The following LYPLAL1 variants were observed in gnomAD, a reference collection of about 807,000 sequenced individuals.
LYPLAL1 encodes lysophospholipase like 1.
In LYPLAL1, 23 loss-of-function variants were observed where a neutral mutation model predicts 19.7. That is an observed-to-expected ratio of 1.17 (90% confidence interval 0.84 to 1.65). LYPLAL1 has a LOEUF of 1.65. LYPLAL1 is among the 40% of genes most tolerant of loss of function. LYPLAL1 has a pLI of 0.00. For missense variants in LYPLAL1, 355 were observed against 279.4 expected, an observed-to-expected ratio of 1.27 and a Z score of -1.93; for synonymous variants, 119 against 96.3, an observed-to-expected ratio of 1.24 and a Z score of -1.38.
chr1:219,370,497 G>A, the LYPLAL1 span, among the ~76,000 whole-genome samples: 1 of 152,128 alleles, frequency 6.6e-6, no homozygotes, highest in African/African-American at 2.4e-5. Context: ...GAGATATTGA[G>A]TCTCCTCCTT....
At chr1:219,247,108 A>C in the LYPLAL1 span, among the ~76,000 whole-genome samples, 1 of 152,198 alleles carries the variant, frequency 6.6e-6, no homozygotes, top group African/African-American at 2.4e-5. Context: ...CTAATATCAC[A>C]TCTGGTGCAG....
intron 2 of LYPLAL1, among the ~76,000 whole-genome samples, chr1:219,185,943 A>G (rs1656686542): frequency 6.6e-6 from 1 of 151,944 alleles, no homozygotes; most frequent in African/African-American, 2.4e-5. Context: ...CAGAGAAAAC[A>G]CAGACTTCTG....
chr1:219,300,127 GC>G, the LYPLAL1 span, among the ~76,000 whole-genome samples: 1 of 152,118 alleles, frequency 6.6e-6, no homozygotes, highest in Non-Finnish European at 1.5e-5. Context: ...GGGTCTACAG[GC>G]AAGTGCCACT....
At chr1:219,283,219 C>T in the LYPLAL1 span, among the ~76,000 whole-genome samples, 1 of 151,968 alleles carries the variant, frequency 6.6e-6, no homozygotes, top group Non-Finnish European at 1.5e-5. Context: ...TTTTCAAGCA[C>T]GTGACAACAG....
At chr1:219,244,777 C>T in the LYPLAL1 span, among the ~76,000 whole-genome samples, 4 of 152,016 alleles carry the variant, frequency 2.6e-5, no homozygotes, top group South Asian at 2.1e-4. Context: ...GAGACCCTAT[C>T]GCTACTAAAA....
chr1:219,231,860 C>T, the LYPLAL1 span, among the ~76,000 whole-genome samples: 1 of 152,156 alleles, frequency 6.6e-6, no homozygotes. Flanking sequence ...TGTCAAATAA[C>T]TACCAATATG....
the LYPLAL1 span, among the ~76,000 whole-genome samples, chr1:219,365,628 A>G: frequency 2.6e-4 from 40 of 152,266 alleles, no homozygotes; most frequent in African/African-American, 7.7e-4. Flanking sequence ...GTGCCAGACC[A>G]GACCCCCTCT....
the LYPLAL1 span, among the ~76,000 whole-genome samples, chr1:219,328,571 A>C: frequency 6.6e-6 from 1 of 152,156 alleles, no homozygotes; most frequent in African/African-American, 2.4e-5. Context: ...GATATCTCAC[A>C]CATTTTCTTT....
chr1:219,425,803 T>C, the LYPLAL1 span, among the ~76,000 whole-genome samples: 1 of 152,188 alleles, frequency 6.6e-6, no homozygotes, highest in South Asian at 2.1e-4. Context: ...CCATATTCTA[T>C]CTAAGTATGT....
chr1:219,285,791 G>A, the LYPLAL1 span, among the ~76,000 whole-genome samples: 6 of 152,320 alleles, frequency 3.9e-5, no homozygotes, highest in African/African-American at 1.4e-4. Context: ...TTTGAAGCTA[G>A]ATAGAGGTGG....
chr1:219,223,083 A>G, the LYPLAL1 span: 1 of 151,948 alleles, frequency 6.6e-6, no homozygotes, highest in Admixed American at 6.6e-5. Flanking sequence ...CATAGCAGTA[A>G]CTGTTGTCTG....
At chr1:219,352,221 T>C in the LYPLAL1 span, among the ~76,000 whole-genome samples, 1 of 152,150 alleles carries the variant, frequency 6.6e-6, no homozygotes, top group East Asian at 1.9e-4. Flanking sequence ...TCTTCACCTA[T>C]AAATTGGGGA....
At chr1:219,308,210 T>C in the LYPLAL1 span, among the ~76,000 whole-genome samples, 4 of 152,136 alleles carry the variant, frequency 2.6e-5, no homozygotes, top group Non-Finnish European at 5.9e-5. Context: ...ATTTAGGGTA[T>C]CTAGTGGAAG....
At chr1:219,195,819 G>C (rs560067152) in intron 3 of LYPLAL1, among the ~76,000 whole-genome samples, 1 of 152,132 alleles carries the variant, frequency 6.6e-6, no homozygotes, top group African/African-American at 2.4e-5. Context: ...GTATTCATTA[G>C]CTGTTTATCC....
At chr1:219,428,239 G>A in the LYPLAL1 span, among the ~76,000 whole-genome samples, 1 of 152,174 alleles carries the variant, frequency 6.6e-6, no homozygotes, top group South Asian at 2.1e-4. Flanking sequence ...TCATCAAAAT[G>A]CCATTTGCAT....
chr1:219,257,358 TG>T, the LYPLAL1 span, among the ~76,000 whole-genome samples: 4,784 of 43,298 alleles, frequency 0.11, 183 homozygotes, highest in African/African-American at 0.14. Context: ...TACCAGTTTT[TG>T]TTTTTTTTTT....
intron 1 of LYPLAL1, among the ~76,000 whole-genome samples, chr1:219,176,863 C>T (rs1023506656): frequency 6.6e-6 from 1 of 152,108 alleles, no homozygotes; most frequent in African/African-American, 2.4e-5. Flanking sequence ...TATATCACAG[C>T]CTCCATGTGT....
At chr1:219,421,152 T>A in the LYPLAL1 span, among the ~76,000 whole-genome samples, 6,697 of 152,266 alleles carry the variant, frequency 0.044, 482 homozygotes, top group African/African-American at 0.15. Context: ...TTTGGTGAAC[T>A]GAGTGTAACC....
At chr1:219,351,178 C>T in the LYPLAL1 span, among the ~76,000 whole-genome samples, 1 of 151,776 alleles carries the variant, frequency 6.6e-6, no homozygotes, top group Admixed American at 6.6e-5. Context: ...TCAGACAGAA[C>T]ATATTGGACA....
Sources: gnomAD v4.1 joint callset for allele counts (sites outside exome capture counted in the v4.1 genomes callset) on GRCh38, gnomAD v4.1.1 for gene constraint, MANE v1.5 for transcripts, NCBI Gene and HGNC (gene_info 2026-07-23, HGNC 2026-07-21) for gene names.